Variants in SPON1 observed in about 807,000 individuals in gnomAD.
SPON1 encodes spondin-1.
Under a neutral mutation model 111.7 loss-of-function variants are expected in SPON1, and 52 were observed. The ratio of observed to expected loss-of-function variants is 0.47; its 90% CI spans 0.37 to 0.59. The LOEUF (loss-of-function observed/expected upper bound fraction) is 0.59. Ranked by LOEUF, SPON1 falls within the 20% of genes least tolerant of loss-of-function variation. SPON1 has a pLI of 0.00. For synonymous variants in SPON1, 410 were observed against 395.8 expected, an observed-to-expected ratio of 1.04 and a Z score of -0.43; for missense variants, 957 against 1,068.5, an observed-to-expected ratio of 0.90 and a Z score of 1.46.
intron 6 of SPON1, among the ~76,000 whole-genome samples, chr11:14,199,992 A>G (rs1204445934): frequency 3.3e-5 from 5 of 152,106 alleles, no homozygotes; most frequent in African/African-American, 1.2e-4. Context: ...ACCATGCCCC[A>G]TGCGTTTTTA....
intron 6 of SPON1, among the ~76,000 whole-genome samples, chr11:14,220,076 G>A (rs1349667848): frequency 1.4e-5 from 2 of 138,164 alleles, no homozygotes; most frequent in Non-Finnish European, 3.1e-5. Context: ...AACAGAGTGA[G>A]CACTTGGATC....
chr11:14,162,494 G>A (rs902685825), intron 6 of SPON1, among the ~76,000 whole-genome samples: 1 of 152,082 alleles, frequency 6.6e-6, no homozygotes, highest in South Asian at 2.1e-4. Context: ...TCCAGTTTAG[G>A]CTTCTTGAAA....
At chr11:14,040,703 C>A (rs1237559823) in intron 2 of SPON1, among the ~76,000 whole-genome samples, 1 of 151,284 alleles carries the variant, frequency 6.6e-6, no homozygotes, top group Non-Finnish European at 1.5e-5. Context: ...AACTTAGTGC[C>A]TAGAACATAT....
At chr11:14,073,448 A>G (rs1379467914) in intron 3 of SPON1, among the ~76,000 whole-genome samples, 1 of 152,172 alleles carries the variant, frequency 6.6e-6, no homozygotes, top group East Asian at 1.9e-4. Flanking sequence ...TATAATCTGT[A>G]CTACCTCCCT....
chr11:14,045,757 T>A (rs1463504826), intron 3 of SPON1, among the ~76,000 whole-genome samples: 1 of 151,612 alleles, frequency 6.6e-6, no homozygotes, highest in Non-Finnish European at 1.5e-5. Flanking sequence ...GCTCTTTAGG[T>A]AGTCCAGATA....
At chr11:14,029,854 T>C (rs1325654171) in intron 2 of SPON1, among the ~76,000 whole-genome samples, 1 of 152,204 alleles carries the variant, frequency 6.6e-6, no homozygotes, top group Non-Finnish European at 1.5e-5. Context: ...TATGAATTCA[T>C]ATAAACACTT....
At chr11:14,039,897 T>A (rs1401830807) in intron 2 of SPON1, among the ~76,000 whole-genome samples, 1 of 152,160 alleles carries the variant, frequency 6.6e-6, no homozygotes, top group Admixed American at 6.5e-5. Flanking sequence ...AGATTTTGAA[T>A]AGACAATTTG....
chr11:14,144,356 G>A (rs948978956), intron 6 of SPON1, among the ~76,000 whole-genome samples: 14 of 152,104 alleles, frequency 9.2e-5, no homozygotes, highest in African/African-American at 2.2e-4. Context: ...TAGACCAGGC[G>A]TGGTGGCTCA....
chr11:13,982,754 G>A, intron 1 of SPON1, 93 bp from the exon 2 acceptor site: 1 of 841,144 alleles, frequency 1.2e-6, no homozygotes, highest in Non-Finnish European at 1.9e-6. Context: ...TCACAGGTCT[G>A]GGATATCGAT....
At chr11:14,194,503 G>A (rs1370488781) in intron 6 of SPON1, among the ~76,000 whole-genome samples, 2 of 150,190 alleles carry the variant, frequency 1.3e-5, no homozygotes, top group Admixed American at 1.3e-4. Flanking sequence ...CAGTGGGAAA[G>A]AACTAATGGG....
At chr11:14,160,831 A>T (rs1257865245) in intron 6 of SPON1, among the ~76,000 whole-genome samples, 1 of 50,512 alleles carries the variant, frequency 2.0e-5, no homozygotes, top group African/African-American at 7.8e-5. Context: ...TATTTTATAT[A>T]TATTTATATA....
At chr11:14,028,246 C>T in intron 2 of SPON1, among the ~76,000 whole-genome samples, 1 of 152,086 alleles carries the variant, frequency 6.6e-6, no homozygotes, top group East Asian at 1.9e-4. Context: ...CTTTGGGAGG[C>T]TGAGGCAGGA....
Position 14,075,365 on chromosome 11 carries a change from G to A in SPON1, c.500G>A (p.Arg167His), listed in dbSNP as rs188433827. The A allele has an allele frequency of 2.0e-5, 31 of 1,560,242 alleles. No homozygotes were observed. Among genetic ancestry groups the A allele is most frequent in the African/African-American group, 5.4e-5 (4 of 73,748 alleles). ...CACAGGGCCAGCATCGTACAAAAAC[G>A]CATTATTTATTTTCAAGATGAGGGC... ...VILKASIVQK[R>H]IIYFQDEGSL... Residue 167 changes from arginine to histidine, a missense_variant, in exon 4 of 16, where the codon CGC (arginine) becomes CAC (histidine). Physicochemically the swap from Arg to His is conservative, Grantham distance 29. Around this residue, in one of 5 missense-constraint regions of SPON1, gnomAD observed 262 missense variants for 253.9 expected, o/e 1.03. Transcript: ENST00000576479.
chr11:14,035,784 A>AT (rs1554916560), intron 2 of SPON1, among the ~76,000 whole-genome samples: 1 of 151,908 alleles, frequency 6.6e-6, no homozygotes, highest in African/African-American at 2.4e-5. Context: ...CAGCTGGCTA[A>AT]TTTTTTATTT....
chr11:14,164,342 A>G (rs1848002490), intron 6 of SPON1, among the ~76,000 whole-genome samples: 2 of 152,200 alleles, frequency 1.3e-5, no homozygotes, highest in African/African-American at 2.4e-5. Flanking sequence ...AGCTGGATAC[A>G]TGGCCACCCA....
rs1337978937 is a variant in SPON1 at position 14,135,699 on chromosome 11, G to T, written c.825+131G>T. 5 of 920,176 alleles carry T rather than the reference G, an allele frequency of 5.4e-6. No individual in the cohort carries two copies. The African/African-American group carries it at 6.6e-5, about 12-fold the overall frequency. The allele number at this position is 920,176 out of a possible 1,614,324, so 57.0% of individuals were successfully genotyped here. A position where few individuals can be genotyped will look rare whatever the true frequency, so the allele number is the denominator to read the frequency against. On this transcript the variant is annotated intron_variant, in intron 6 of 15. Transcript: ENST00000576479. The surrounding 1 kb of genome is among the most constrained non-coding windows in gnomAD (Gnocchi z 4.4). ...GAAAATCTATTTGCTGAGTTTGGGGGTTTTATGTTAAGTAGAGGACAGACA... is the reference window on the plus strand; with the variant it reads ...GAAAATCTATTTGCTGAGTTTGGGGTTTTTATGTTAAGTAGAGGACAGACA...
Position 14,162,095 on chromosome 11 carries a change from T to C in SPON1, c.825+26527T>C, listed in dbSNP as rs1395381965. 2.0e-5 allele frequency among the ~76,000 whole-genome samples: 3 copies of C among 150,810 alleles called. No individual in the cohort carries two copies. In the East Asian group the frequency reaches 5.8e-4, roughly 29 times the overall value. On this transcript the variant is annotated intron_variant, in intron 6 of 15. Transcript: ENST00000576479. ...ATCACTTGAACCCGGGAGGCAGAGG[T>C]TGCAGCGAGCTGAGATAGTGCCACT...
chr11:13,995,623 T>G (rs1848266108), intron 2 of SPON1, among the ~76,000 whole-genome samples: 1 of 152,086 alleles, frequency 6.6e-6, no homozygotes, highest in African/African-American at 2.4e-5. Context: ...GATTAAAATT[T>G]GAGATGAGAT....
intron 6 of SPON1, among the ~76,000 whole-genome samples, chr11:14,177,039 GTTGT>G (rs752224139): frequency 6.6e-6 from 1 of 151,958 alleles, no homozygotes; most frequent in Non-Finnish European, 1.5e-5. Context: ...GTTTTTTGTT[GTTGT>G]TTGTTTGTTT....
Sources: gnomAD v4.1 joint callset for allele counts (sites outside exome capture counted in the v4.1 genomes callset) on GRCh38, gnomAD v4.1.1 for gene constraint, gnomAD v4.1.1 regional missense constraint, Gnocchi (gnomAD v3.1) non-coding constraint, MANE v1.5 for transcripts, NCBI Gene and HGNC (gene_info 2026-07-23, HGNC 2026-07-21) for gene names.